GALNT18: variants seen among roughly 807,000 people sequenced by gnomAD.
GALNT18 encodes the protein GalNAc-transferase 18.
GALNT18 carries 44 observed loss-of-function variants against 69.5 expected under a neutral mutation model. That is an observed-to-expected ratio of 0.63 (90% confidence interval 0.50 to 0.81). The LOEUF is 0.81. Ranked by LOEUF, GALNT18 falls within the 40% of genes least tolerant of loss-of-function variation. GALNT18 has a pLI of 0.00. For synonymous variants in GALNT18, 364 were observed against 318.2 expected (o/e 1.14, Z -1.53); for missense variants, 715 against 810.0 (o/e 0.88, Z 1.42).
chr11:11,611,806 C>A (rs939196703), intron 1 of GALNT18, among the ~76,000 whole-genome samples: 1 of 152,172 alleles, frequency 6.6e-6, no homozygotes, highest in Admixed American at 6.5e-5. Context: ...TGACAAGGAC[C>A]AGTTCCTGGA....
At chr11:11,343,647 C>A (rs1000487228) in intron 6 of GALNT18, among the ~76,000 whole-genome samples, 1 of 152,172 alleles carries the variant, frequency 6.6e-6, no homozygotes, top group African/African-American at 2.4e-5. Flanking sequence ...TCTATGAAAG[C>A]CTGTGAATCC....
rs918398056 is a variant in GALNT18 at position 11,618,865 on chromosome 11, A to G, written c.235+2494T>C. On this transcript the variant is annotated intron_variant, in intron 1 of 10. Transcript: ENST00000227756. The surrounding 1 kb of genome is among the most constrained non-coding windows in gnomAD (Gnocchi z 6.1). ...TACCGCTTATTCCCTCCAGTTCAGC[A>G]AAGTAAACTGGATTGTTCAAAGGGC... Among the ~76,000 whole-genome samples the G allele has an allele frequency of 6.6e-6, 1 of 152,210 alleles. No individual in the cohort carries two copies. Among genetic ancestry groups the G allele is most frequent in the Non-Finnish European group, 1.5e-5 (1 of 68,042 alleles).
At chr11:11,490,860 T>C (rs1856756439) in intron 1 of GALNT18, among the ~76,000 whole-genome samples, 1 of 152,148 alleles carries the variant, frequency 6.6e-6, no homozygotes, top group African/African-American at 2.4e-5. Flanking sequence ...TTGTCAGAGG[T>C]TTGTCTGGCA....
intron 1 of GALNT18, among the ~76,000 whole-genome samples, chr11:11,472,595 A>G (rs1003063338): frequency 9.2e-4 from 6 of 6,546 alleles, no homozygotes; most frequent in African/African-American, 1.0e-3. Context: ...TGAAACAAAG[A>G]TAGACCAGAC....
intron 1 of GALNT18, among the ~76,000 whole-genome samples, chr11:11,499,768 A>G (rs1398867533): frequency 2.0e-5 from 3 of 152,220 alleles, no homozygotes; most frequent in Non-Finnish European, 4.4e-5. Flanking sequence ...AGAAAGATTC[A>G]GACCTCTGCT....
intron 3 of GALNT18, among the ~76,000 whole-genome samples, chr11:11,397,839 TGGGCTCTGTTA>T (rs1479015543): frequency 6.6e-6 from 1 of 152,172 alleles, no homozygotes; most frequent in African/African-American, 2.4e-5. Context: ...TGCAGTTGAT[TGGGCTCTGTTA>T]GAACAGTTAA....
chr11:11,327,019 G>C, intron 9 of GALNT18, 67 bp downstream of exon 9: 1 of 1,168,072 alleles, frequency 8.6e-7, no homozygotes, highest in Non-Finnish European at 1.3e-6. Flanking sequence ...ACAGAGCCTA[G>C]CTCTCCTTCC....
chr11:11,280,067 G>A (rs371197255), intron 10 of GALNT18, among the ~76,000 whole-genome samples: 47 of 152,140 alleles, frequency 3.1e-4, no homozygotes, highest in African/African-American at 1.0e-3. Context: ...TGGCCCAGCC[G>A]ATCACACAAA....
chr11:11,490,513 A>G (rs138351137), intron 1 of GALNT18, among the ~76,000 whole-genome samples: 106 of 152,358 alleles, frequency 7.0e-4, no homozygotes, highest in African/African-American at 2.4e-3. Context: ...GTATAATAAC[A>G]GTATATAATA....
At chr11:11,289,389 G>A (rs1240235191) in intron 10 of GALNT18, among the ~76,000 whole-genome samples, 4 of 152,192 alleles carry the variant, frequency 2.6e-5, no homozygotes, top group African/African-American at 9.7e-5. Flanking sequence ...GTAGACATAT[G>A]CCAAAGTGGC....
In GALNT18 at chr11:11,604,680, C is replaced by G. The variant is rs181997601; in HGVS notation, c.235+16679G>C. On this transcript the variant is annotated intron_variant, in intron 1 of 10. Transcript: ENST00000227756. This position sits in a 1 kb window ranked among gnomAD's most constrained non-coding sequence, Gnocchi z 5.6. ...TGGATTTTGCTCCTGTTTTCTCAAA[C>G]TGGCAAAACCCAAAAGGCAAAGAGA... 3.9e-5 allele frequency among the ~76,000 whole-genome samples: 6 copies of G among 152,284 alleles called. 1 individual carries two copies. The East Asian group carries it at 1.2e-3, about 29-fold the overall frequency.
rs566616299 is a variant in GALNT18, at chr11:11,463,780, C to T, written c.236-14844G>A. Among the ~76,000 whole-genome samples, 3 of 152,280 alleles carry T rather than the reference C, an allele frequency of 2.0e-5. No individual in the cohort carries two copies. In the South Asian group the frequency reaches 6.2e-4, roughly 32 times the overall value. On this transcript the variant is annotated intron_variant, in intron 1 of 10. Coordinates refer to ENST00000227756, the MANE Select transcript of GALNT18 (RefSeq NM_198516.3). The surrounding 1 kb of genome is among the most constrained non-coding windows in gnomAD (Gnocchi z 4.2). ...AAATAGGCCATTTTCAAACAAAATC[C>T]ATTTCTTGAGCATGACGGTAAAAAT...
chr11:11,533,681 CT>C (rs943128659), intron 1 of GALNT18, among the ~76,000 whole-genome samples: 2 of 152,174 alleles, frequency 1.3e-5, no homozygotes, highest in Admixed American at 6.5e-5. Context: ...TGTATTCTGG[CT>C]TTTTTTCCTG....
At chr11:11,539,845 C>T (rs191541485) in intron 1 of GALNT18, among the ~76,000 whole-genome samples, 5 of 152,220 alleles carry the variant, frequency 3.3e-5, no homozygotes, top group Non-Finnish European at 5.9e-5. Flanking sequence ...AAAAGCAGAT[C>T]GATCAGAAAT....
chr11:11,284,908 G>GTTTTTTTTTTTTTTTT lies in GALNT18; in HGVS notation c.1677+8105_1677+8120dup, dbSNP rs58795517. Among the ~76,000 whole-genome samples, 8 of 82,822 alleles carry GTTTTTTTTTTTTTTTT rather than the reference G, an allele frequency of 9.7e-5. 2 individuals carry two copies. The highest frequency in any genetic ancestry group is 3.6e-4 in the African/African-American group (6 of 16,534). The allele number at this position is 82,822 out of a possible 152,430, so 54.3% of individuals were successfully genotyped here. A position where few individuals can be genotyped will look rare whatever the true frequency, so the allele number is the denominator to read the frequency against. On this transcript the variant is annotated intron_variant, in intron 10 of 10. Transcript: ENST00000227756. ...CTGATTTACTAGTAAAGACTTTCGTGTTTTTTTTTTTTTTTTTTTTTTAAC... is the reference window on the plus strand; with the variant it reads ...CTGATTTACTAGTAAAGACTTTCGTGTTTTTTTTTTTTTTTTTTTTTTTTTTTTTTTTTTTTTTAAC...
chr11:11,542,337 T>C lies in GALNT18; in HGVS notation c.235+79022A>G, dbSNP rs986362161. Among the ~76,000 whole-genome samples, 6 of 152,184 alleles carry C rather than the reference T, an allele frequency of 3.9e-5. No individual in the cohort carries two copies. The highest frequency in any genetic ancestry group is 1.4e-4 in the African/African-American group (6 of 41,442). On this transcript the variant is annotated intron_variant, in intron 1 of 10. Transcript: ENST00000227756. The surrounding 1 kb of genome is among the most constrained non-coding windows in gnomAD (Gnocchi z 4.3). ...AAGCCATGGACAGACGCCTCCATGC[T>C]ACCATAGCAACCTGGACCTCCTCTC...
intron 8 of GALNT18, among the ~76,000 whole-genome samples, chr11:11,331,969 AATACATTTTCTG>A (rs1158881927): frequency 6.6e-6 from 1 of 152,028 alleles, no homozygotes; most frequent in Non-Finnish European, 1.5e-5. Flanking sequence ...TTAGACAGAA[AATACATTTTCTG>A]TCTAAGGTTA....
chr11:11,278,505 T>C (rs943687593), intron 10 of GALNT18, among the ~76,000 whole-genome samples: 28 of 151,182 alleles, frequency 1.9e-4, no homozygotes, highest in Admixed American at 1.3e-4. Flanking sequence ...CCAGAACTTA[T>C]AGTATAAAAA....
chr11:11,294,931 T>C (rs545298614), intron 9 of GALNT18, among the ~76,000 whole-genome samples: 6 of 151,546 alleles, frequency 4.0e-5, no homozygotes, highest in Non-Finnish European at 7.4e-5. Context: ...TTTTCCACTT[T>C]AGGTTAGAAT....
Sources: allele counts gnomAD v4.1 joint callset (sites outside exome capture counted in the v4.1 genomes callset), GRCh38; gene constraint gnomAD v4.1.1; non-coding constraint Gnocchi (gnomAD v3.1); transcripts MANE v1.5; gene names NCBI Gene and HGNC (gene_info 2026-07-23, HGNC 2026-07-21).